The following ZDHHC17 variants were observed in gnomAD, a reference collection of about 807,000 sequenced individuals.
ZDHHC17 encodes zDHHC palmitoyltransferase 17, also known as palmitoyltransferase ZDHHC17.
A neutral mutation model predicts 90.3 loss-of-function variants in ZDHHC17; 40 were observed. The ratio of observed to expected loss-of-function variants is 0.44; its 90% CI spans 0.34 to 0.58. The LOEUF (loss-of-function observed/expected upper bound fraction) is 0.58, where lower values mean the gene tolerates loss of function less well. Ranked by LOEUF, ZDHHC17 falls within the 20% of genes least tolerant of loss-of-function variation. The pLI, the probability that ZDHHC17 is intolerant of heterozygous loss-of-function variation, is 0.01. For missense variants in ZDHHC17, 614 were observed against 780.8 expected, an observed-to-expected ratio of 0.79 and a Z score of 2.55; for synonymous variants, 235 against 252.4, an observed-to-expected ratio of 0.93 and a Z score of 0.65.
Position 76,851,566 on chromosome 12 carries a change from T to A in ZDHHC17, c.*581T>A, listed in dbSNP as rs1380999174. 1 of 152,800 alleles carries A rather than the reference T, an allele frequency of 6.5e-6. No homozygotes were observed. Among genetic ancestry groups the A allele is most frequent in the Non-Finnish European group, 1.5e-5 (1 of 68,148 alleles). The allele number at this position is 152,800 out of a possible 1,614,324, so 9.5% of individuals were successfully genotyped here. The stretch of plus-strand genomic sequence containing the variant: ...TTCACAATAAAATGTGCTAACAATG[T>A]TTTGTTTCTATCAGCTGTTGCAATG... On this transcript the variant is annotated 3_prime_UTR_variant, in exon 17 of 17. Coordinates refer to ENST00000426126, the MANE Select transcript of ZDHHC17 (RefSeq NM_015336.4).
intron 1 of ZDHHC17, among the ~76,000 whole-genome samples, chr12:76,779,427 T>C (rs999541462): frequency 2.6e-5 from 4 of 152,252 alleles, no homozygotes; most frequent in Admixed American, 1.3e-4. Flanking sequence ...ACGTCTTACA[T>C]GGTGATAGGC....
chr12:76,837,798 G>C lies in ZDHHC17; in HGVS notation c.1142-4184G>C, dbSNP rs149351123. On this transcript the variant is annotated intron_variant, in intron 10 of 16. Coordinates refer to ENST00000426126, the MANE Select transcript of ZDHHC17 (RefSeq NM_015336.4). ...CTTTGTCATCTGTGTTCATACTTTT[G>C]TCTCTACTCTTTATTATTATCATTA... is the stretch of plus-strand genomic sequence containing the variant. Among the ~76,000 whole-genome samples, 401 of 151,958 alleles carry C rather than the reference G, an allele frequency of 2.6e-3. 3 individuals are homozygous for C. Among genetic ancestry groups the C allele is most frequent in the Non-Finnish European group, 4.0e-3 (272 of 67,950 alleles).
intron 1 of ZDHHC17, among the ~76,000 whole-genome samples, chr12:76,765,343 C>T (rs1187581464): frequency 6.6e-6 from 1 of 152,166 alleles, no homozygotes; most frequent in Non-Finnish European, 1.5e-5. Context: ...TAATGACAAC[C>T]ATCCTTTTAT....
rs750107220 is a variant in ZDHHC17, at chr12:76,850,901, C to T, written c.1815C>T (p.Leu605=). The change falls in exon 17 of 17, where the codon CTC becomes CTT. Residue 605 remains leucine (L), a synonymous_variant. Transcript: ENST00000426126. ...TCTTTGAATTTCGATGCTGTGGCCT[C>T]TTTCGTCCTGTTATCGTGGACTGGA... ...IDFFEFRCCG[L]FRPVIVDWTR... The T allele has an allele frequency of 1.2e-6, 2 of 1,613,948 alleles. No individual in the cohort carries two copies. The highest frequency in any genetic ancestry group is 2.2e-5 in the South Asian group (2 of 91,078).
At chr12:76,828,526 A>C (rs774063895) in intron 10 of ZDHHC17, 36 bp downstream of exon 10, 1 of 1,582,750 alleles carries the variant, frequency 6.3e-7, no homozygotes, top group South Asian at 1.1e-5. Context: ...CCAAAAACAA[A>C]TTTTGTTTGT....
Position 76,822,468 on chromosome 12 carries a change from A to G in ZDHHC17, c.834A>G (p.Gln278=). 1.2e-6 allele frequency: 2 copies of G among 1,613,720 alleles called. No individual in the cohort carries two copies. The highest frequency in any genetic ancestry group is 1.7e-6 in the Non-Finnish European group (2 of 1,179,778). The change falls in exon 8 of 17, where the codon CAA becomes CAG. Residue 278 remains glutamine (Q), a synonymous_variant. Transcript: ENST00000426126. The part of the protein sequence containing the change: ...RKNVWMINHL[Q]EARQAKGYDN... ...ATGTGTGGATGATCAACCACTTACAAGAGGCAAGGCAAGCAAAAGGATATG... is the reference window on the plus strand; with the variant it reads ...ATGTGTGGATGATCAACCACTTACAGGAGGCAAGGCAAGCAAAAGGATATG...
chr12:76,806,805 G>A (rs1278574826), intron 3 of ZDHHC17, among the ~76,000 whole-genome samples: 1 of 152,216 alleles, frequency 6.6e-6, no homozygotes, highest in Non-Finnish European at 1.5e-5. Flanking sequence ...TTGCCTCTGC[G>A]CCTAGCCAAC....
At chr12:76,800,149 T>C (rs1025834617) in intron 2 of ZDHHC17, among the ~76,000 whole-genome samples, 4 of 152,218 alleles carry the variant, frequency 2.6e-5, no homozygotes, top group Non-Finnish European at 4.4e-5. Flanking sequence ...ACATGTAATC[T>C]TGTTTTTTCT....
intron 3 of ZDHHC17, among the ~76,000 whole-genome samples, chr12:76,807,026 T>C (rs1452225069): frequency 6.6e-6 from 1 of 152,218 alleles, no homozygotes; most frequent in Non-Finnish European, 1.5e-5. Context: ...AAATGCAGAA[T>C]GGTTGTGTGT....
chr12:76,849,012 A>G (rs915569768), intron 15 of ZDHHC17, among the ~76,000 whole-genome samples: 10 of 148,662 alleles, frequency 6.7e-5, no homozygotes, highest in Admixed American at 1.4e-4. Context: ...GCAGCCTGGC[A>G]TGGTGGCTCA....
At chr12:76,781,694 CTTTAT>C (rs1477854241) in intron 1 of ZDHHC17, 1 of 455,882 alleles carries the variant, frequency 2.2e-6, no homozygotes, top group Non-Finnish European at 4.4e-6. Flanking sequence ...GTAAGAAATA[CTTTAT>C]TTTCTTTATA....
At chr12:76,838,890 A>G (rs1953400342) in intron 10 of ZDHHC17, among the ~76,000 whole-genome samples, 1 of 152,194 alleles carries the variant, frequency 6.6e-6, no homozygotes, top group Non-Finnish European at 1.5e-5. Flanking sequence ...CCATAATGAT[A>G]TACCAGAGAC....
chr12:76,799,526 A>C (rs1368904212), intron 2 of ZDHHC17, among the ~76,000 whole-genome samples: 1 of 152,206 alleles, frequency 6.6e-6, no homozygotes, highest in African/African-American at 2.4e-5. Flanking sequence ...GAAGAGCTTC[A>C]GACTTCCCTG....
At chr12:76,782,105 A>T (rs991325961) in intron 1 of ZDHHC17, among the ~76,000 whole-genome samples, 1 of 152,218 alleles carries the variant, frequency 6.6e-6, no homozygotes, top group Non-Finnish European at 1.5e-5. Context: ...CAAGATAAAA[A>T]AAGAATTTAA....
intron 10 of ZDHHC17, among the ~76,000 whole-genome samples, chr12:76,838,086 C>G (rs984857923): frequency 4.0e-5 from 6 of 151,872 alleles, no homozygotes; most frequent in Admixed American, 2.6e-4. Flanking sequence ...TGATCTCAGT[C>G]TGTTTTTTTT....
chr12:76,847,265 C>T lies in ZDHHC17; in HGVS notation c.1507+586C>T, dbSNP rs192962536. Among the ~76,000 whole-genome samples the T allele has an allele frequency of 1.3e-4, 20 of 152,288 alleles. No homozygotes were observed. In the East Asian group the frequency reaches 2.1e-3, roughly 16 times the overall value. The stretch of plus-strand genomic sequence containing the variant: ...AGAGTTTAAGTGGATACGTCACTTA[C>T]GATGCCTCAGGGCTTGGTGGTGCTT... On this transcript the variant is annotated intron_variant, in intron 14 of 16. Coordinates refer to ENST00000426126, the MANE Select transcript of ZDHHC17 (RefSeq NM_015336.4).
At chr12:76,773,763 G>C (rs770499472) in intron 1 of ZDHHC17, among the ~76,000 whole-genome samples, 11 of 152,082 alleles carry the variant, frequency 7.2e-5, no homozygotes, top group Non-Finnish European at 1.6e-4. Context: ...AACTTTATTA[G>C]AGTTAACTAT....
At chr12:76,836,721 C>G (rs1953368154) in intron 10 of ZDHHC17, among the ~76,000 whole-genome samples, 1 of 152,132 alleles carries the variant, frequency 6.6e-6, no homozygotes, top group Non-Finnish European at 1.5e-5. Context: ...GTCACTGTAT[C>G]ATTACCAAAT....
chr12:76,809,905 G>A, intron 5 of ZDHHC17, 48 bp downstream of exon 5: 1 of 1,566,894 alleles, frequency 6.4e-7, no homozygotes, highest in Non-Finnish European at 8.7e-7. Flanking sequence ...GTTCTTCATA[G>A]TTTAAATGCC....
Sources: gnomAD v4.1 joint callset for allele counts (sites outside exome capture counted in the v4.1 genomes callset) on GRCh38, gnomAD v4.1.1 for gene constraint, MANE v1.5 for transcripts, NCBI Gene and HGNC (gene_info 2026-07-23, HGNC 2026-07-21) for gene names.